IL1RAPL1: variants seen among roughly 807,000 people sequenced by gnomAD.
IL1RAPL1 encodes the protein interleukin-1 receptor accessory protein-like 1.
In IL1RAPL1, 3 loss-of-function variants were observed where a neutral mutation model predicts 48.4. The observed-to-expected ratio is 0.06, with a 90% CI of 0.03 to 0.16. The LOEUF (loss-of-function observed/expected upper bound fraction) is 0.16, where lower values mean the gene tolerates loss of function less well. IL1RAPL1 is among the 10% of genes least tolerant of loss of function. IL1RAPL1 has a pLI of 1.00. For synonymous variants in IL1RAPL1, 185 were observed against 187.7 expected, an observed-to-expected ratio of 0.99 and a Z score of 0.12; for missense variants, 349 against 530.6, an observed-to-expected ratio of 0.66 and a Z score of 3.36.
In IL1RAPL1 at chrX:29,414,747, T is replaced by G. The variant is rs149706729; in HGVS notation, c.703+15439T>G. On this transcript the variant is annotated intron_variant, in intron 5 of 10. Coordinates refer to ENST00000378993, the MANE Select transcript of IL1RAPL1 (RefSeq NM_014271.4). ...CATCTTTTCTCTACTTCATGTTGGC[T>G]CTCTACTTTGACAGGTATTGATTTT... Among the ~76,000 whole-genome samples the G allele has an allele frequency of 3.9e-3, 433 of 111,857 alleles. 2 individuals carry two copies. Among genetic ancestry groups the G allele is most frequent in the African/African-American group, 0.013 (416 of 30,835 alleles).
intron 1 of IL1RAPL1, among the ~76,000 whole-genome samples, chrX:28,722,422 G>T (rs1017336612): frequency 1.8e-5 from 2 of 111,460 alleles, no homozygotes; most frequent in Admixed American, 9.6e-5. Context: ...GAATGCTTGT[G>T]ATTTTTGCAC....
intron 2 of IL1RAPL1, among the ~76,000 whole-genome samples, chrX:28,928,263 A>G (rs916452845): frequency 5.1e-4 from 57 of 111,408 alleles, no homozygotes; most frequent in African/African-American, 1.8e-3. Context: ...CTGTTTCTTC[A>G]TTATCACTAC....
intron 3 of IL1RAPL1, among the ~76,000 whole-genome samples, chrX:29,334,050 T>G (rs1410245552): frequency 2.2e-3 from 105 of 48,258 alleles, no homozygotes; most frequent in Non-Finnish European, 2.8e-3. Context: ...CCTCCCGGAC[T>G]GGGCGGCTGG....
chrX:29,896,858 AT>A (rs1177646205), intron 6 of IL1RAPL1, among the ~76,000 whole-genome samples: 2 of 112,763 alleles, frequency 1.8e-5, no homozygotes, highest in African/African-American at 6.4e-5. Context: ...GCACACACAT[AT>A]GCATGCACAT....
chrX:29,689,141 G>A (rs1926710693), intron 6 of IL1RAPL1, among the ~76,000 whole-genome samples: 1 of 111,749 alleles, frequency 8.9e-6, no homozygotes, highest in Non-Finnish European at 1.9e-5. Flanking sequence ...TCTACTAATG[G>A]AAAATGGTAG....
chrX:28,599,023 C>A, intron 1 of IL1RAPL1, among the ~76,000 whole-genome samples: 1 of 109,626 alleles, frequency 9.1e-6, no homozygotes, highest in East Asian at 3.0e-4. Context: ...GGGAAACAGC[C>A]TGAGTTCAGC....
chrX:29,189,634 A>G (rs767422753), intron 2 of IL1RAPL1, among the ~76,000 whole-genome samples: 1 of 111,684 alleles, frequency 9.0e-6, no homozygotes, highest in East Asian at 2.8e-4. Context: ...AAGAACAAGA[A>G]GAAGAGGGAA....
chrX:28,689,736 T>C (rs1935154955), intron 1 of IL1RAPL1, among the ~76,000 whole-genome samples: 2 of 111,897 alleles, frequency 1.8e-5, no homozygotes, highest in African/African-American at 6.5e-5. Context: ...TTAATAACAA[T>C]CTTTATCAAA....
chrX:29,369,983 T>C, intron 3 of IL1RAPL1: 1 of 111,975 alleles, frequency 8.9e-6, no homozygotes. Flanking sequence ...GTTTTAAAAA[T>C]TTATGATTCA....
chrX:29,020,223 A>T (rs988392254), intron 2 of IL1RAPL1, among the ~76,000 whole-genome samples: 1 of 112,616 alleles, frequency 8.9e-6, no homozygotes, highest in African/African-American at 3.2e-5. Flanking sequence ...TAAAATCAAG[A>T]TATGAATCTA....
chrX:28,999,879 A>C, intron 2 of IL1RAPL1, among the ~76,000 whole-genome samples: 1 of 111,865 alleles, frequency 8.9e-6, no homozygotes, highest in African/African-American at 3.2e-5. Flanking sequence ...AATATAATTC[A>C]ACAAGGCCTG....
chrX:28,754,168 A>G (rs1445389168), intron 1 of IL1RAPL1, among the ~76,000 whole-genome samples: 1 of 111,120 alleles, frequency 9.0e-6, no homozygotes, highest in Non-Finnish European at 1.9e-5. Flanking sequence ...CTTGGGTCTT[A>G]TTCTGCATAC....
At chrX:28,863,107 C>T (rs1437741660) in intron 2 of IL1RAPL1, among the ~76,000 whole-genome samples, 3 of 111,202 alleles carry the variant, frequency 2.7e-5, no homozygotes, top group Admixed American at 9.6e-5. Context: ...CTCGAACTCA[C>T]GACCTCAGGT....
At chrX:29,743,252 A>G (rs1161588114) in intron 6 of IL1RAPL1, among the ~76,000 whole-genome samples, 3 of 107,629 alleles carry the variant, frequency 2.8e-5, no homozygotes, top group Non-Finnish European at 5.7e-5. Flanking sequence ...TTATTAATAT[A>G]TCATAAATTT....
chrX:29,494,969 G>A (rs1421628294), intron 5 of IL1RAPL1, among the ~76,000 whole-genome samples: 1 of 111,747 alleles, frequency 8.9e-6, no homozygotes, highest in African/African-American at 3.2e-5. Flanking sequence ...ATTCAGAAGA[G>A]CACAAAGATC....
At chrX:28,989,283 A>G (rs1925547074) in intron 2 of IL1RAPL1, among the ~76,000 whole-genome samples, 1 of 112,579 alleles carries the variant, frequency 8.9e-6, no homozygotes, top group African/African-American at 3.2e-5. Context: ...TATCTTCTGC[A>G]GTGGAAGCCA....
intron 2 of IL1RAPL1, among the ~76,000 whole-genome samples, chrX:28,854,500 A>T (rs1302107305): frequency 9.0e-6 from 1 of 111,219 alleles, no homozygotes; most frequent in Admixed American, 9.6e-5. Flanking sequence ...TATTTAAGGA[A>T]CCTGTGGGAT....
intron 2 of IL1RAPL1, among the ~76,000 whole-genome samples, chrX:29,145,080 T>C (rs1250483690): frequency 9.0e-6 from 1 of 110,855 alleles, no homozygotes; most frequent in African/African-American, 3.3e-5. Context: ...ATTTAAACTT[T>C]AGAGAGAATG....
At chrX:29,886,897 T>C (rs948804585) in intron 6 of IL1RAPL1, among the ~76,000 whole-genome samples, 1 of 112,053 alleles carries the variant, frequency 8.9e-6, no homozygotes, top group African/African-American at 3.2e-5. Context: ...AAGCTGTTTT[T>C]ATACCCTTGT....
Sources: gnomAD v4.1 joint callset for allele counts (sites outside exome capture counted in the v4.1 genomes callset) on GRCh38, gnomAD v4.1.1 for gene constraint, MANE v1.5 for transcripts, NCBI Gene and HGNC (gene_info 2026-07-23, HGNC 2026-07-21) for gene names.